The following AHCTF1 variants were observed in gnomAD, a reference collection of about 807,000 sequenced individuals.
AHCTF1 encodes AT-hook containing transcription factor 1, also known as protein ELYS.
AHCTF1 carries 24 observed loss-of-function variants against 248.4 expected under a neutral mutation model. That is an observed-to-expected ratio of 0.10 (90% CI 0.07 to 0.14). The LOEUF is 0.14. Ranked by LOEUF, AHCTF1 falls within the 10% of genes least tolerant of loss-of-function variation. AHCTF1 has a pLI of 1.00. For missense variants in AHCTF1, 2,206 were observed against 2,636.2 expected (o/e 0.84, Z 3.57); for synonymous variants, 786 against 929.8 (o/e 0.85, Z 2.81).
chr1:246,929,878 C>T (rs1667211105), intron 1 of AHCTF1, among the ~76,000 whole-genome samples: 1 of 152,112 alleles, frequency 6.6e-6, no homozygotes, highest in Admixed American at 6.6e-5. Flanking sequence ...ATGGTGAAAC[C>T]CCGTCTCTAC....
intron 20 of AHCTF1, 108 bp from the exon 21 acceptor site, chr1:246,885,788 A>G: frequency 9.4e-7 from 1 of 1,068,132 alleles, no homozygotes; most frequent in Non-Finnish European, 1.3e-6. Flanking sequence ...GACTCGTTTA[A>G]ATATAAGCTG....
chr1:246,895,687 A>AGGGGGTG, intron 13 of AHCTF1, 148 bp downstream of exon 13: 1 of 620,768 alleles, frequency 1.6e-6, no homozygotes, highest in South Asian at 2.3e-5. Flanking sequence ...AACGTGCTAA[A>AGGGGGTG]GGGGGTGGGA....
At chr1:246,926,340 T>C (rs919484468) in intron 1 of AHCTF1, among the ~76,000 whole-genome samples, 21 of 152,356 alleles carry the variant, frequency 1.4e-4, no homozygotes, top group African/African-American at 4.8e-4. Context: ...CATGTAACAT[T>C]GTGCTTTACT....
At chr1:246,843,985 A>C in intron 33 of AHCTF1, 57 bp from the exon 34 acceptor site, 1 of 1,162,560 alleles carries the variant, frequency 8.6e-7, no homozygotes, top group Non-Finnish European at 1.1e-6. Context: ...TATATATATA[A>C]ACACAATAAA....
At position 246,858,263 on chromosome 1, in the gene AHCTF1, CCTT is replaced by C. The variant is rs1282537210; in HGVS notation, c.4133-452_4133-450del. Among the ~76,000 whole-genome samples, 6 of 151,940 alleles carry C rather than the reference CCTT, an allele frequency of 3.9e-5. 1 individual carries two copies. The highest frequency in any genetic ancestry group is 9.7e-5 in the African/African-American group (4 of 41,372). ...CATGAGCCACTGCACCCGGCCAACA[CCTT>C]CTTCTTCTAATTCTCTGAACCTAGC... On this transcript the variant is annotated intron_variant, in intron 29 of 35. Transcript: ENST00000648844.
chr1:246,897,795 A>G (rs760790737), intron 12 of AHCTF1, among the ~76,000 whole-genome samples: 35 of 152,222 alleles, frequency 2.3e-4, no homozygotes, highest in South Asian at 2.1e-4. Flanking sequence ...AGCCTAGGCA[A>G]CATAGCGAGA....
chr1:246,920,164 A>AAAG (rs1553305000), intron 1 of AHCTF1, among the ~76,000 whole-genome samples: 3 of 149,552 alleles, frequency 2.0e-5, no homozygotes, highest in East Asian at 1.9e-4. Flanking sequence ...AAAAAAAAAA[A>AAAG]AAAAGAAAAG....
intron 13 of AHCTF1, 146 bp downstream of exon 13, chr1:246,895,689 G>A (rs1572429964): frequency 1.6e-6 from 1 of 627,074 alleles, no homozygotes; most frequent in Non-Finnish European, 2.7e-6. Context: ...CGTGCTAAAG[G>A]GGGTGGGATC....
chr1:246,859,293 C>T (rs563683822), intron 29 of AHCTF1, among the ~76,000 whole-genome samples: 7 of 152,250 alleles, frequency 4.6e-5, no homozygotes, highest in East Asian at 1.9e-4. Flanking sequence ...TTGTTAAAAA[C>T]GTGTGTAGGG....
chr1:246,922,420 G>A (rs77522965), intron 1 of AHCTF1, among the ~76,000 whole-genome samples: 6 of 151,024 alleles, frequency 4.0e-5, no homozygotes, highest in African/African-American at 1.5e-4. Flanking sequence ...ATTCTGTTGC[G>A]GTTTTTTGGG....
chr1:246,871,015 T>C (rs978167164), intron 24 of AHCTF1, among the ~76,000 whole-genome samples: 5 of 152,220 alleles, frequency 3.3e-5, no homozygotes, highest in African/African-American at 9.6e-5. Context: ...GCTCCCACTG[T>C]AGCCTTGCTT....
At position 246,887,303 on chromosome 1, in the gene AHCTF1, G is replaced by A; in HGVS notation, c.2380C>T (p.Pro794Ser). Residue 794 changes from proline (P) to serine (S), a missense_variant, in exon 20 of 36, where the codon CCC becomes TCC. Physicochemically the swap from Pro to Ser is moderately conservative, Grantham distance 74. Coordinates refer to ENST00000648844, the MANE Select transcript of AHCTF1 (RefSeq NM_001323342.2). ...MYSFPNKTDT[P>S]IESFPTVFAI... ...AATACAGTTGGGAAAGATTCAATGG[G>A]AGTGTCTGTTTTGTTGGGAAAGGAA... 1 of 1,613,294 alleles carries A rather than the reference G, an allele frequency of 6.2e-7. No individual in the cohort carries two copies. The highest frequency in any genetic ancestry group is 8.5e-7 in the Non-Finnish European group (1 of 1,179,622).
At chr1:246,859,549 AC>A (rs1414896713) in intron 29 of AHCTF1, among the ~76,000 whole-genome samples, 1 of 152,102 alleles carries the variant, frequency 6.6e-6, no homozygotes, top group Non-Finnish European at 1.5e-5. Flanking sequence ...GGAACTCAAA[AC>A]ATTTTTTGAT....
At chr1:246,909,222 C>G (rs1665621003) in intron 4 of AHCTF1, among the ~76,000 whole-genome samples, 1 of 138,288 alleles carries the variant, frequency 7.2e-6, no homozygotes, top group African/African-American at 2.7e-5. Flanking sequence ...CCAGCCTGAC[C>G]AATATGGTGA....
chr1:246,909,373 C>T (rs1010108402), intron 4 of AHCTF1, among the ~76,000 whole-genome samples: 2 of 120,414 alleles, frequency 1.7e-5, no homozygotes, highest in Non-Finnish European at 1.6e-5. Flanking sequence ...GCCGAGATTG[C>T]GCCACTGCAC....
chr1:246,849,581 G>A, intron 33 of AHCTF1, 34 bp downstream of exon 33: 2 of 1,561,314 alleles, frequency 1.3e-6, no homozygotes, highest in South Asian at 2.4e-5. Context: ...GAGTGACTGA[G>A]ATGAAAAACT....
intron 24 of AHCTF1, among the ~76,000 whole-genome samples, chr1:246,871,756 T>C (rs908067074): frequency 6.6e-6 from 1 of 151,936 alleles, no homozygotes; most frequent in African/African-American, 2.4e-5. Context: ...AGGTTAATAA[T>C]ATTAAAAACA....
At chr1:246,916,654 AAATAAT>A (rs752933675) in intron 2 of AHCTF1, among the ~76,000 whole-genome samples, 3 of 152,044 alleles carry the variant, frequency 2.0e-5, no homozygotes, top group Admixed American at 6.6e-5. Flanking sequence ...ACTTCATCTC[AAATAAT>A]AATAATAATA....
At chr1:246,907,879 TA>T in intron 4 of AHCTF1, 121 bp from the exon 5 acceptor site, 1 of 833,056 alleles carries the variant, frequency 1.2e-6, no homozygotes, top group African/African-American at 1.7e-5. Context: ...TAATTGAAAT[TA>T]AAAGATTAGT....
Sources: allele counts gnomAD v4.1 joint callset (sites outside exome capture counted in the v4.1 genomes callset), GRCh38; gene constraint gnomAD v4.1.1; transcripts MANE v1.5; gene names NCBI Gene and HGNC (gene_info 2026-07-23, HGNC 2026-07-21).